RBM20: variants seen among roughly 807,000 people sequenced by gnomAD.
RBM20 encodes RNA binding motif protein 20.
Under a neutral mutation model 110.1 loss-of-function variants are expected in RBM20, and 51 were observed. That is an observed-to-expected ratio of 0.46 (90% CI 0.37 to 0.59). The LOEUF (loss-of-function observed/expected upper bound fraction) is 0.59. Among genes scored for constraint, RBM20 ranks in the 20% least tolerant of loss-of-function variants. The pLI, the probability that RBM20 is intolerant of heterozygous loss-of-function variation, is 0.00. For missense variants in RBM20, 1,512 were observed against 1,574.9 expected, an observed-to-expected ratio of 0.96 and a Z score of 0.68; for synonymous variants, 589 against 618.2, an observed-to-expected ratio of 0.95 and a Z score of 0.70.
Position 110,671,096 on chromosome 10 carries a change from A to G in RBM20, c.191+26451A>G, listed in dbSNP as rs187577238. Among the ~76,000 whole-genome samples, 4 of 152,336 alleles carry G rather than the reference A, an allele frequency of 2.6e-5. No homozygotes were observed. The East Asian group carries it at 7.7e-4, about 29-fold the overall frequency. On this transcript the variant is annotated intron_variant, in intron 1 of 13. Transcript: ENST00000369519. ...GCTGCCTCGAAGCCCCCAGGCCTAGAAACGTCTCCAATCAGGAAACAGAAG... is the reference window on the plus strand; with the variant it reads ...GCTGCCTCGAAGCCCCCAGGCCTAGGAACGTCTCCAATCAGGAAACAGAAG...
At chr10:110,806,722 C>T (rs1235091497) in intron 7 of RBM20, among the ~76,000 whole-genome samples, 1 of 152,170 alleles carries the variant, frequency 6.6e-6, no homozygotes, top group Non-Finnish European at 1.5e-5. Context: ...AAACCATTCT[C>T]TCTACTTTTG....
At chr10:110,806,267 C>CT (rs1844693644) in intron 7 of RBM20, among the ~76,000 whole-genome samples, 1 of 127,964 alleles carries the variant, frequency 7.8e-6, no homozygotes, top group Non-Finnish European at 1.7e-5. Context: ...GACTCCGTCT[C>CT]AAAAAAAAAA....
At chr10:110,685,743 G>A (rs1862494515) in intron 1 of RBM20, among the ~76,000 whole-genome samples, 1 of 152,160 alleles carries the variant, frequency 6.6e-6, no homozygotes, top group Non-Finnish European at 1.5e-5. Context: ...GTAGCCTTGG[G>A]CGGGAGGGTC....
chr10:110,767,279 T>A (rs1315019771), intron 1 of RBM20, among the ~76,000 whole-genome samples: 1 of 90,722 alleles, frequency 1.1e-5, no homozygotes, highest in East Asian at 4.0e-4. Context: ...CACTTCCCAG[T>A]AGGGGCGGCC....
intron 1 of RBM20, among the ~76,000 whole-genome samples, chr10:110,666,970 A>T (rs1206734261): frequency 6.6e-6 from 1 of 152,136 alleles, no homozygotes; most frequent in Non-Finnish European, 1.5e-5. Flanking sequence ...CATTCCTCCC[A>T]CTGTGGCCTT....
At chr10:110,829,683 C>T (rs998612577) in intron 12 of RBM20, among the ~76,000 whole-genome samples, 4 of 152,226 alleles carry the variant, frequency 2.6e-5, no homozygotes, top group Non-Finnish European at 4.4e-5. Flanking sequence ...GCACTTAGCT[C>T]AGTGTCCTGG....
In RBM20 at chr10:110,835,952, C is replaced by A; in HGVS notation, c.3658C>A (p.Pro1220Thr). 1 of 1,334,554 alleles carries A rather than the reference C, an allele frequency of 7.5e-7. No individual in the cohort carries two copies. The highest frequency in any genetic ancestry group is 1.0e-6 in the Non-Finnish European group (1 of 953,948). 82.7% of individuals were successfully genotyped at this position (1,334,554 alleles called of 1,614,324 possible). ...GAGGCCAGAGGACAGCGGAATCGTG[C>A]CACGCTTCGAAAGGAAAAAGCTCTG... Reference protein sequence around the residue: ...SPRPEDSGIVPRFERKKL With the variant: ...SPRPEDSGIVTRFERKKL The change falls in exon 14 of 14, where the codon CCA (proline) becomes ACA (threonine). Residue 1220 changes from proline to threonine, a missense_variant. Pro to Thr is a conservative substitution (Grantham distance 38, BLOSUM62 -1). This residue lies in a region of RBM20 where 358 missense variants were observed against 384.2 expected (regional missense o/e 0.93). Transcript: ENST00000369519.
intron 1 of RBM20, among the ~76,000 whole-genome samples, chr10:110,740,197 C>T (rs1843711065): frequency 6.6e-6 from 1 of 152,200 alleles, no homozygotes; most frequent in African/African-American, 2.4e-5. Context: ...CATCTGTTGG[C>T]TTGGGTATGT....
At position 110,836,344 on chromosome 10, in the gene RBM20, T is replaced by G; in HGVS notation, c.*366T>G. On this transcript the variant is annotated 3_prime_UTR_variant, in exon 14 of 14. Coordinates refer to ENST00000369519, the MANE Select transcript of RBM20 (RefSeq NM_001134363.3). ...CAACTTCTCAGGGATTTTCACAGTG[T>G]TTAAATTCTTGGTAGGATATAACAG... 1 of 162,104 alleles carries G rather than the reference T, an allele frequency of 6.2e-6. No homozygotes were observed. The highest frequency in any genetic ancestry group is 1.3e-5 in the Non-Finnish European group (1 of 74,478). The allele number at this position is 162,104 out of a possible 1,614,324, so 10.0% of individuals were successfully genotyped here.
chr10:110,705,680 C>T (rs75849653), intron 1 of RBM20, among the ~76,000 whole-genome samples: 4,013 of 152,280 alleles, frequency 0.026, 160 homozygotes, highest in African/African-American at 0.088. Flanking sequence ...TAATTTGAAA[C>T]TTACATATAT....
At chr10:110,785,028 C>A in intron 5 of RBM20, 139 bp downstream of exon 5, 1 of 617,190 alleles carries the variant, frequency 1.6e-6, no homozygotes, top group Non-Finnish European at 2.8e-6. Context: ...ACTCCTGGTC[C>A]CAAGTGATCT....
chr10:110,763,465 A>G (rs1844034909), intron 1 of RBM20, among the ~76,000 whole-genome samples: 1 of 152,214 alleles, frequency 6.6e-6, no homozygotes, highest in African/African-American at 2.4e-5. Context: ...TTGCAGGTAG[A>G]CATCAGCCTG....
rs1287523613 is a variant in RBM20 at position 110,812,744 on chromosome 10, A to G, written c.2347A>G (p.Arg783Gly). The G allele has an allele frequency of 1.3e-6, 2 of 1,551,780 alleles. No homozygotes were observed. The highest frequency in any genetic ancestry group is 1.7e-6 in the Non-Finnish European group (2 of 1,147,004). Residue 783 changes from arginine to glycine, a missense_variant, in exon 9 of 14, where the codon AGG becomes GGG. Around this residue, in one of 3 missense-constraint regions of RBM20, gnomAD observed 1,149 missense variants for 1,169.4 expected, o/e 0.98. Transcript: ENST00000369519. ...KQQQDAPGRS[R>G]RKDEARLRES... ...GCAGCAGGATGCCCCCGGGAGGTCC[A>G]GGAGGAAAGACGAGGCCAGGCTGCG... is the stretch of plus-strand genomic sequence containing the variant.
intron 1 of RBM20, among the ~76,000 whole-genome samples, chr10:110,702,917 A>C (rs1862780093): frequency 6.6e-6 from 1 of 152,142 alleles, no homozygotes; most frequent in Admixed American, 6.5e-5. Context: ...GGTATCTGGC[A>C]ATTAGTGAGC....
At chr10:110,822,594 G>T (rs1056439496) in intron 11 of RBM20, 2 of 411,802 alleles carry the variant, frequency 4.9e-6, no homozygotes, top group South Asian at 1.8e-5. Flanking sequence ...GGGGGTTTGG[G>T]GGGAGGGAGA....
In RBM20 at chr10:110,789,386, G is replaced by A. The variant is rs1590680704; in HGVS notation, c.1527+4497G>A. ...TGTGTTGGAGTCTGAGTGTTTCGTT[G>A]CCTTGTTTGTTTATTTATTTTTGTT... On this transcript the variant is annotated intron_variant, in intron 5 of 13. Transcript: ENST00000369519. Among the ~76,000 whole-genome samples the A allele has an allele frequency of 2.0e-5, 3 of 150,536 alleles. No individual in the cohort carries two copies. The South Asian group carries it at 6.4e-4, about 32-fold the overall frequency.
At chr10:110,652,048 GTC>G (rs1291941753) in intron 1 of RBM20, among the ~76,000 whole-genome samples, 1 of 152,188 alleles carries the variant, frequency 6.6e-6, no homozygotes, top group Non-Finnish European at 1.5e-5. Context: ...TTTCAACACT[GTC>G]TAGAAAAGTG....
At chr10:110,664,191 A>G (rs1469455478) in intron 1 of RBM20, among the ~76,000 whole-genome samples, 1 of 152,182 alleles carries the variant, frequency 6.6e-6, no homozygotes, top group Non-Finnish European at 1.5e-5. Flanking sequence ...TTTTTCTGCT[A>G]AAAAGAAACT....
At chr10:110,804,636 A>C (rs1031332034) in intron 7 of RBM20, among the ~76,000 whole-genome samples, 3 of 152,252 alleles carry the variant, frequency 2.0e-5, no homozygotes, top group African/African-American at 7.2e-5. Context: ...ATGTTTAATA[A>C]ATATGCAAAA....
Sources: gnomAD v4.1 joint callset for allele counts (sites outside exome capture counted in the v4.1 genomes callset) on GRCh38, gnomAD v4.1.1 for gene constraint, gnomAD v4.1.1 regional missense constraint, MANE v1.5 for transcripts, NCBI Gene and HGNC (gene_info 2026-07-23, HGNC 2026-07-21) for gene names.